SH3BGRL2: variants seen among roughly 807,000 people sequenced by gnomAD.
SH3BGRL2 encodes SH3 domain-binding glutamic acid-rich-like protein 2.
Under a neutral mutation model 14.8 loss-of-function variants are expected in SH3BGRL2, and 21 were observed. The observed-to-expected ratio is 1.42, with a 90% CI of 1.01 to 2.05. SH3BGRL2 has a LOEUF of 2.05. Ranked by LOEUF, SH3BGRL2 falls within the 30% of genes most tolerant of loss-of-function variation. The probability of loss-of-function intolerance (pLI) is 0.00; values close to 1 mark genes in which losing one functional copy is unlikely to be tolerated. For synonymous variants in SH3BGRL2, 50 were observed against 47.8 expected, an observed-to-expected ratio of 1.05 and a Z score of -0.19; for missense variants, 147 against 130.8, an observed-to-expected ratio of 1.12 and a Z score of -0.61.
chr6:79,539,467 T>G, the SH3BGRL2 span, among the ~76,000 whole-genome samples: 1 of 152,248 alleles, frequency 6.6e-6, no homozygotes, highest in African/African-American at 2.4e-5. Flanking sequence ...ATTTTGTTTA[T>G]GAAACAAATT....
the SH3BGRL2 span, among the ~76,000 whole-genome samples, chr6:79,605,088 C>T: frequency 1.3e-5 from 2 of 152,164 alleles, no homozygotes; most frequent in African/African-American, 2.4e-5. Flanking sequence ...CAATAAAATA[C>T]GGCAGGTCTT....
At chr6:79,640,643 A>AC (rs1399998718) in intron 1 of SH3BGRL2, among the ~76,000 whole-genome samples, 2 of 150,570 alleles carry the variant, frequency 1.3e-5, no homozygotes, top group African/African-American at 4.9e-5. Context: ...CCTGGAGCTG[A>AC]CCCCTGAAGT....
At chr6:79,654,975 A>G (rs1279764605) in intron 1 of SH3BGRL2, among the ~76,000 whole-genome samples, 1 of 152,216 alleles carries the variant, frequency 6.6e-6, no homozygotes, top group Non-Finnish European at 1.5e-5. Flanking sequence ...TTAATTCATT[A>G]AAAGTGTAAT....
At chr6:79,557,314 C>T in the SH3BGRL2 span, among the ~76,000 whole-genome samples, 4 of 151,558 alleles carry the variant, frequency 2.6e-5, no homozygotes, top group East Asian at 1.9e-4. Context: ...TTATAATTGT[C>T]GGTCACATTT....
At chr6:79,652,060 C>A (rs1057231483) in intron 1 of SH3BGRL2, among the ~76,000 whole-genome samples, 7 of 152,158 alleles carry the variant, frequency 4.6e-5, no homozygotes, top group Non-Finnish European at 1.0e-4. Context: ...CCCAGGAGGG[C>A]AAAATCACCT....
intron 2 of SH3BGRL2, among the ~76,000 whole-genome samples, chr6:79,689,447 T>A (rs1245054500): frequency 1.3e-5 from 2 of 152,192 alleles, no homozygotes; most frequent in East Asian, 3.8e-4. Context: ...TCTAAATACC[T>A]TTCTTGGTGA....
At chr6:79,655,427 A>G (rs1769386647) in intron 1 of SH3BGRL2, among the ~76,000 whole-genome samples, 1 of 151,926 alleles carries the variant, frequency 6.6e-6, no homozygotes, top group Non-Finnish European at 1.5e-5. Flanking sequence ...TTTTTTAAAC[A>G]GCACTATTGA....
chr6:79,600,657 G>GT, the SH3BGRL2 span, among the ~76,000 whole-genome samples: 2 of 151,896 alleles, frequency 1.3e-5, no homozygotes, highest in African/African-American at 4.8e-5. Context: ...ATTTAACCAG[G>GT]CCCCCACCAG....
At chr6:79,655,847 G>A (rs1769399580) in intron 1 of SH3BGRL2, among the ~76,000 whole-genome samples, 1 of 152,184 alleles carries the variant, frequency 6.6e-6, no homozygotes, top group Non-Finnish European at 1.5e-5. Flanking sequence ...TCCTGAATCT[G>A]AAACTCTGGG....
At chr6:79,694,768 C>G (rs1022870578) in intron 2 of SH3BGRL2, among the ~76,000 whole-genome samples, 1 of 152,076 alleles carries the variant, frequency 6.6e-6, no homozygotes, top group Non-Finnish European at 1.5e-5. Flanking sequence ...AATCCACAAC[C>G]AAGTATGATC....
At chr6:79,683,574 G>A (rs764649256) in intron 2 of SH3BGRL2, among the ~76,000 whole-genome samples, 5 of 151,626 alleles carry the variant, frequency 3.3e-5, no homozygotes, top group East Asian at 3.9e-4. Flanking sequence ...TCAGCCTCCC[G>A]AGTAGCTGGG....
intron 1 of SH3BGRL2, among the ~76,000 whole-genome samples, chr6:79,638,818 T>G (rs1213226634): frequency 6.6e-6 from 1 of 152,190 alleles, no homozygotes; most frequent in Non-Finnish European, 1.5e-5. Context: ...GTTGTTTGGG[T>G]TCCTTGTATA....
At chr6:79,616,300 C>G in the SH3BGRL2 span, among the ~76,000 whole-genome samples, 2 of 152,186 alleles carry the variant, frequency 1.3e-5, no homozygotes, top group Admixed American at 6.5e-5. Flanking sequence ...AAACAGGAAC[C>G]CATTTGCATT....
the SH3BGRL2 span, among the ~76,000 whole-genome samples, chr6:79,585,938 G>A: frequency 6.6e-6 from 1 of 152,148 alleles, no homozygotes; most frequent in East Asian, 1.9e-4. Flanking sequence ...GCTCACACCT[G>A]TAATCCCAGC....
the SH3BGRL2 span, among the ~76,000 whole-genome samples, chr6:79,569,762 C>T: frequency 6.6e-6 from 1 of 152,166 alleles, no homozygotes; most frequent in African/African-American, 2.4e-5. Context: ...AAATAACCTT[C>T]TTCTGGTTTG....
chr6:79,634,304 A>G (rs1442961962), intron 1 of SH3BGRL2, among the ~76,000 whole-genome samples: 1 of 152,212 alleles, frequency 6.6e-6, no homozygotes, highest in Non-Finnish European at 1.5e-5. Flanking sequence ...ACTAGGAAAC[A>G]AAAGCAATGC....
intron 1 of SH3BGRL2, among the ~76,000 whole-genome samples, chr6:79,631,793 T>G (rs541832108): frequency 6.6e-6 from 1 of 152,318 alleles, no homozygotes; most frequent in East Asian, 1.9e-4. Flanking sequence ...TTGTGTGGCA[T>G]GGAAATTTGG....
intron 1 of SH3BGRL2, among the ~76,000 whole-genome samples, chr6:79,654,775 G>A (rs1386014002): frequency 6.6e-6 from 1 of 152,188 alleles, no homozygotes; most frequent in Admixed American, 6.5e-5. Context: ...GGGATTGGAA[G>A]TGTCATGTAC....
At chr6:79,621,912 T>G in the SH3BGRL2 span, among the ~76,000 whole-genome samples, 1 of 152,200 alleles carries the variant, frequency 6.6e-6, no homozygotes, top group East Asian at 1.9e-4. Context: ...TTTCTTCCTA[T>G]TTGGGATGAT....
Sources: allele counts gnomAD v4.1 joint callset (sites outside exome capture counted in the v4.1 genomes callset), GRCh38; gene constraint gnomAD v4.1.1; transcripts MANE v1.5; gene names NCBI Gene and HGNC (gene_info 2026-07-23, HGNC 2026-07-21).